Variants in TNFRSF10A observed in about 807,000 individuals in gnomAD.
TNFRSF10A encodes TNF receptor superfamily member 10a.
Under a neutral mutation model 42.8 loss-of-function variants are expected in TNFRSF10A, and 44 were observed. The ratio of observed to expected loss-of-function variants is 1.03; its 90% CI spans 0.81 to 1.32. The LOEUF is 1.32. Among genes scored for constraint, TNFRSF10A ranks in the 40% most tolerant of loss-of-function variants. The pLI is 0.00. For synonymous variants in TNFRSF10A, 259 were observed against 234.2 expected, an observed-to-expected ratio of 1.11 and a Z score of -0.97; for missense variants, 680 against 602.0, an observed-to-expected ratio of 1.13 and a Z score of -1.36.
intron 7 of TNFRSF10A, 26 bp from the exon 8 acceptor site, chr8:23,199,474 G>A: frequency 1.2e-6 from 2 of 1,601,064 alleles, no homozygotes; most frequent in Non-Finnish European, 1.7e-6. Context: ...AGCCAACTCA[G>A]AAGCCCACAC....
chr8:23,202,846 GC>G, intron 2 of TNFRSF10A, 85 bp from the exon 3 acceptor site: 1 of 878,508 alleles, frequency 1.1e-6, no homozygotes, highest in South Asian at 1.4e-5. Context: ...TCTTCTTTTG[GC>G]CATCAGTAGA....
intron 2 of TNFRSF10A, 152 bp downstream of exon 2, chr8:23,211,964 G>T: frequency 3.2e-6 from 2 of 623,692 alleles, no homozygotes; most frequent in Non-Finnish European, 5.3e-6. Flanking sequence ...ATAAGTATCT[G>T]TTGAATAGAA....
In TNFRSF10A at chr8:23,197,695, T is replaced by C. The variant is rs578131968; in HGVS notation, c.1015-491A>G. Among the ~76,000 whole-genome samples the C allele has an allele frequency of 6.9e-4, 105 of 152,286 alleles. 2 individuals are homozygous for C. Among genetic ancestry groups the C allele is most frequent in the African/African-American group, 2.5e-3 (102 of 41,556 alleles). On this transcript the variant is annotated intron_variant, in intron 8 of 9. Transcript: ENST00000221132. ...ATGTGCTTGAATCATCCCCAAACCA[T>C]CTTCACCTCCCAGTCCATAGAAAAA...
intron 2 of TNFRSF10A, among the ~76,000 whole-genome samples, chr8:23,209,545 T>C (rs186331527): frequency 6.6e-6 from 1 of 152,362 alleles, no homozygotes; most frequent in Non-Finnish European, 1.5e-5. Flanking sequence ...AACCCGCCTC[T>C]TGCATCAGTG....
chr8:23,204,279 T>C (rs6982233), intron 2 of TNFRSF10A, among the ~76,000 whole-genome samples: 37,575 of 151,966 alleles, frequency 0.25, 5,195 homozygotes, highest in East Asian at 0.68. Context: ...AAGTACTGCA[T>C]GAGAAATTTT....
In TNFRSF10A at chr8:23,208,148, G is replaced by C. The variant is rs547117990; in HGVS notation, c.403+3968C>G. 3.3e-5 allele frequency among the ~76,000 whole-genome samples: 5 copies of C among 152,332 alleles called. No individual in the cohort carries two copies. The East Asian group carries it at 9.7e-4, about 29-fold the overall frequency. On this transcript the variant is annotated intron_variant, in intron 2 of 9. Coordinates refer to ENST00000221132, the MANE Select transcript of TNFRSF10A (RefSeq NM_003844.4). ...TAAAGTCCAGGCTGAGATGATCTCA[G>C]ATGGAGATGAGGAACTTATTGGGAA...
rs531629690 is a variant in TNFRSF10A at position 23,198,720 on chromosome 8, T to C, written c.1014+546A>G. On this transcript the variant is annotated intron_variant, in intron 8 of 9. Transcript: ENST00000221132. ...CTGTGTGCATGTGTGTACCTGTATG[T>C]GTGGGTACGTGCATGTGTGTGTGCA... Among the ~76,000 whole-genome samples the C allele has an allele frequency of 2.6e-5, 4 of 152,238 alleles. No homozygotes were observed. In the South Asian group the frequency reaches 8.3e-4, roughly 32 times the overall value.
chr8:23,221,289 C>T (rs1351844208), intron 1 of TNFRSF10A, among the ~76,000 whole-genome samples: 1 of 152,232 alleles, frequency 6.6e-6, no homozygotes, highest in Non-Finnish European at 1.5e-5. Context: ...TTTATATCCA[C>T]CTAGTTTATA....
At position 23,191,186 on chromosome 8, in the gene TNFRSF10A, A is replaced by T. The variant is rs988961725; in HGVS notation, c.*508T>A. Reference sequence around the variant, plus strand: ...TTACCAGTGTTCTAGGTGTTCCTTAATCCATTCAAATTAACACCTCCAATT... The same window carrying T: ...TTACCAGTGTTCTAGGTGTTCCTTATTCCATTCAAATTAACACCTCCAATT... On this transcript the variant is annotated 3_prime_UTR_variant, in exon 10 of 10. Transcript: ENST00000221132. 2 of 159,680 alleles carry T rather than the reference A, an allele frequency of 1.3e-5. No homozygotes were observed. Among genetic ancestry groups the T allele is most frequent in the African/African-American group, 4.8e-5 (2 of 41,488 alleles). The allele number at this position is 159,680 out of a possible 1,614,324, so 9.9% of individuals were successfully genotyped here. A position where few individuals can be genotyped will look rare whatever the true frequency, so the allele number is the denominator to read the frequency against.
chr8:23,208,541 C>T (rs989764173), intron 2 of TNFRSF10A, among the ~76,000 whole-genome samples: 8 of 152,226 alleles, frequency 5.3e-5, no homozygotes, highest in Admixed American at 1.3e-4. Context: ...ACTGCAAGTC[C>T]GCCTCCTGGG....
At chr8:23,218,377 A>G (rs1371563738) in intron 1 of TNFRSF10A, among the ~76,000 whole-genome samples, 1 of 152,118 alleles carries the variant, frequency 6.6e-6, no homozygotes, top group Non-Finnish European at 1.5e-5. Flanking sequence ...TCTCTCAGGC[A>G]TACACACCCT....
intron 8 of TNFRSF10A, 101 bp downstream of exon 8, chr8:23,199,165 C>T: frequency 1.4e-6 from 2 of 1,441,216 alleles, no homozygotes; most frequent in Non-Finnish European, 1.9e-6. Context: ...CCCCTGCAGT[C>T]CCATCTCCCT....
At chr8:23,224,112 A>G (rs1585290747) in intron 1 of TNFRSF10A, among the ~76,000 whole-genome samples, 1 of 151,962 alleles carries the variant, frequency 6.6e-6, no homozygotes, top group Admixed American at 6.6e-5. Context: ...GGATTTGGCT[A>G]ACACAGTGAA....
At chr8:23,206,894 C>T (rs1232668304) in intron 2 of TNFRSF10A, 7 of 262,036 alleles carry the variant, frequency 2.7e-5, no homozygotes, top group Non-Finnish European at 5.4e-5. Context: ...AAAACTACTC[C>T]TAAAGAAAAG....
chr8:23,220,534 T>C (rs1195440265), intron 1 of TNFRSF10A, among the ~76,000 whole-genome samples: 1 of 152,200 alleles, frequency 6.6e-6, no homozygotes, highest in Non-Finnish European at 1.5e-5. Context: ...TAGGCAGATA[T>C]AAAATCTGCA....
chr8:23,215,832 T>TA (rs1282189225), intron 1 of TNFRSF10A, among the ~76,000 whole-genome samples: 1 of 151,724 alleles, frequency 6.6e-6, no homozygotes, highest in African/African-American at 2.4e-5. Flanking sequence ...TTTTTTTTTT[T>TA]CCTGAGATGG....
chr8:23,202,752 C>G lies in TNFRSF10A; in HGVS notation c.413G>C (p.Arg138Thr). 6.2e-7 allele frequency: 1 copy of G among 1,609,878 alleles called. No homozygotes were observed. The highest frequency in any genetic ancestry group is 8.5e-7 in the Non-Finnish European group (1 of 1,176,218). ...GTTACAGGCTCCAGGATGTTCTGAT[C>G]TATGAGATCCTGGGAAGGGAGAGAA... ...LGELCPPGSHRSEHPGACNRC... is the reference protein window; with the variant it reads ...LGELCPPGSHTSEHPGACNRC... The change falls in exon 3 of 10, where the codon AGA becomes ACA. Residue 138 changes from arginine to threonine, a missense_variant. Physicochemically the swap from Arg to Thr is moderately conservative, Grantham distance 71. Coordinates refer to ENST00000221132, the MANE Select transcript of TNFRSF10A (RefSeq NM_003844.4).
intron 9 of TNFRSF10A, among the ~76,000 whole-genome samples, chr8:23,195,026 G>A (rs1444735986): frequency 6.6e-6 from 1 of 152,198 alleles, no homozygotes; most frequent in Non-Finnish European, 1.5e-5. Flanking sequence ...AGATGTGGTG[G>A]TGCACACCTG....
chr8:23,205,171 A>G (rs1194440603), intron 2 of TNFRSF10A, among the ~76,000 whole-genome samples: 1 of 152,194 alleles, frequency 6.6e-6, no homozygotes, highest in Non-Finnish European at 1.5e-5. Flanking sequence ...TGGCACAACT[A>G]ATTGTGTTAA....
Sources: allele counts gnomAD v4.1 joint callset (sites outside exome capture counted in the v4.1 genomes callset), GRCh38; gene constraint gnomAD v4.1.1; transcripts MANE v1.5; gene names NCBI Gene and HGNC (gene_info 2026-07-23, HGNC 2026-07-21).